The following XPNPEP1 variants were observed in gnomAD, a reference collection of about 807,000 sequenced individuals.
The protein encoded by XPNPEP1 is xaa-Pro aminopeptidase 1.
Under a neutral mutation model 92.4 loss-of-function variants are expected in XPNPEP1, and 39 were observed. The observed-to-expected ratio is 0.42, with a 90% CI of 0.33 to 0.55. The LOEUF (loss-of-function observed/expected upper bound fraction) is 0.55. Ranked by LOEUF, XPNPEP1 falls within the 20% of genes least tolerant of loss-of-function variation. XPNPEP1 has a pLI of 0.08. For synonymous variants in XPNPEP1, 307 were observed against 299.4 expected (o/e 1.03, Z -0.26); for missense variants, 654 against 856.1 (o/e 0.76, Z 2.95).
rs1005724829 is a variant in XPNPEP1, at chr10:109,865,401, T to A, written c.1873-89A>T. 6 of 1,550,246 alleles carry A rather than the reference T, an allele frequency of 3.9e-6. No individual in the cohort carries two copies. The Admixed American group carries it at 6.8e-5, about 18-fold the overall frequency. ...GTCAACAGCAAAGGCCCCCATGTGCTAAGATCACAAGCTGAGAGAAAAGGT... is the reference window on the plus strand; with the variant it reads ...GTCAACAGCAAAGGCCCCCATGTGCAAAGATCACAAGCTGAGAGAAAAGGT... On this transcript the variant is annotated intron_variant, in intron 20 of 20. Coordinates refer to ENST00000502935, the MANE Select transcript of XPNPEP1 (RefSeq NM_020383.4).
At chr10:109,910,645 G>A (rs982538919) in intron 2 of XPNPEP1, among the ~76,000 whole-genome samples, 1 of 151,976 alleles carries the variant, frequency 6.6e-6, no homozygotes, top group Non-Finnish European at 1.5e-5. Context: ...CCATTGTCTG[G>A]ATGTACCACC....
In XPNPEP1 at chr10:109,868,717, G is replaced by T; in HGVS notation, c.1774-5C>A. 6.2e-7 allele frequency: 1 copy of T among 1,612,112 alleles called. No individual in the cohort carries two copies. The highest frequency in any genetic ancestry group is 2.2e-5 in the East Asian group (1 of 44,870). On this transcript the variant is annotated splice_polypyrimidine_tract_variant and splice_region_variant and intron_variant, in intron 19 of 20. Coordinates refer to ENST00000502935, the MANE Select transcript of XPNPEP1 (RefSeq NM_020383.4). ...TCCCCGGTTATTAAAATTATACTGCGGGAGAAAGAAGAAAACAGATGCTTT... is the reference window on the plus strand; with the variant it reads ...TCCCCGGTTATTAAAATTATACTGCTGGAGAAAGAAGAAAACAGATGCTTT...
chr10:109,880,707 C>G (rs1848044344), intron 11 of XPNPEP1, 135 bp downstream of exon 11: 1 of 729,856 alleles, frequency 1.4e-6, no homozygotes, highest in Non-Finnish European at 2.2e-6. Flanking sequence ...CTCAATAACT[C>G]CTCCTGGAAG....
chr10:109,882,621 G>A lies in XPNPEP1; in HGVS notation c.852C>T (p.Arg284=), dbSNP rs2133402951. 1.2e-6 allele frequency: 2 copies of A among 1,614,194 alleles called. No homozygotes were observed. The highest frequency in any genetic ancestry group is 4.5e-5 in the East Asian group (2 of 44,890). The change falls in exon 10 of 21, where the codon CGC becomes CGT. Residue 284 remains arginine (R), a synonymous_variant. Transcript: ENST00000502935. Reference sequence around the variant, plus strand: ...GCTCCTTCACACTGGGGGCGTCTATGCGGTCACCATCAATGAAGAGCCTGC... The same window carrying A: ...GCTCCTTCACACTGGGGGCGTCTATACGGTCACCATCAATGAAGAGCCTGC... The part of the protein sequence containing the change: ...ETIMLFIDGD[R]IDAPSVKEHL...
At chr10:109,888,339 C>A in intron 6 of XPNPEP1, 147 bp from the exon 7 acceptor site, 1 of 1,297,970 alleles carries the variant, frequency 7.7e-7, no homozygotes. Context: ...TGTAAAAGCA[C>A]ATCTTCACCA....
intron 1 of XPNPEP1, among the ~76,000 whole-genome samples, chr10:109,916,431 G>A (rs769729486): frequency 2.6e-5 from 4 of 152,212 alleles, no homozygotes; most frequent in Non-Finnish European, 5.9e-5. Context: ...GGGGCCTACT[G>A]TGGGGCCATA....
intron 5 of XPNPEP1, among the ~76,000 whole-genome samples, chr10:109,890,585 TGTGTGTGTGAGAGA>T (rs1279869735): frequency 6.5e-5 from 6 of 91,992 alleles, no homozygotes; most frequent in South Asian, 6.1e-4. Flanking sequence ...TGTGTGTGTG[TGTGTGTGTGAGAGA>T]GAGAGAGAGA....
chr10:109,883,598 T>G (rs1480267656), intron 9 of XPNPEP1, among the ~76,000 whole-genome samples: 1 of 152,168 alleles, frequency 6.6e-6, no homozygotes, highest in Admixed American at 6.5e-5. Context: ...AATAAATGTG[T>G]TGTCTTAATG....
At chr10:109,915,133 T>G (rs1850115265) in intron 1 of XPNPEP1, 34 bp from the exon 2 acceptor site, 1 of 1,395,178 alleles carries the variant, frequency 7.2e-7, no homozygotes, top group Non-Finnish European at 9.6e-7. Context: ...GTTGCAGACT[T>G]TGACCACAAT....
At chr10:109,919,049 C>T (rs1242090216) in intron 1 of XPNPEP1, among the ~76,000 whole-genome samples, 3 of 152,276 alleles carry the variant, frequency 2.0e-5, no homozygotes, top group East Asian at 1.9e-4. Flanking sequence ...ACTCTTATAG[C>T]GCAACCATAA....
chr10:109,882,448 C>T lies in XPNPEP1; in HGVS notation c.1025G>A (p.Ser342Asn). ...GTCACCAACCTTGGGGATGGTCTCG[C>T]TCACAGCATAGCTGGCCTTGTCACT... The part of the protein sequence containing the change: ...WVSDKASYAV[S>N]ETIPKDHRCC... Residue 342 changes from serine to asparagine, a missense_variant, in exon 10 of 21, where the codon AGC (serine) becomes AAC (asparagine). Coordinates refer to ENST00000502935, the MANE Select transcript of XPNPEP1 (RefSeq NM_020383.4). 2 of 1,613,532 alleles carry T rather than the reference C, an allele frequency of 1.2e-6. No homozygotes were observed. Among genetic ancestry groups the T allele is most frequent in the Non-Finnish European group, 8.5e-7 (1 of 1,179,476 alleles).
intron 2 of XPNPEP1, among the ~76,000 whole-genome samples, chr10:109,909,140 G>A (rs1031287355): frequency 9.2e-5 from 14 of 151,956 alleles, no homozygotes; most frequent in South Asian, 2.1e-4. Flanking sequence ...GCGTGGTGGC[G>A]GGTGCCTGTA....
intron 1 of XPNPEP1, among the ~76,000 whole-genome samples, chr10:109,918,879 G>A (rs576267790): frequency 2.0e-5 from 2 of 97,780 alleles, no homozygotes; most frequent in Admixed American, 1.5e-4. Context: ...AAGGAAGGAA[G>A]GAAGGAAGGA....
At chr10:109,868,809 G>C in intron 19 of XPNPEP1, 97 bp from the exon 20 acceptor site, 1 of 1,154,702 alleles carries the variant, frequency 8.7e-7, no homozygotes, top group South Asian at 1.3e-5. Flanking sequence ...TCAGAGCCAG[G>C]GGTAACTGGG....
rs1848494750 is a variant in XPNPEP1 at position 109,888,065 on chromosome 10, C to T, written c.636G>A (p.Leu212=). 6.2e-7 allele frequency: 1 copy of T among 1,614,066 alleles called. No homozygotes were observed. Among genetic ancestry groups the T allele is most frequent in the Non-Finnish European group, 8.5e-7 (1 of 1,180,008 alleles). Residue 212 remains leucine, a synonymous_variant, in exon 7 of 21, where the codon CTG becomes CTA. Coordinates refer to ENST00000502935, the MANE Select transcript of XPNPEP1 (RefSeq NM_020383.4). ...GATTCTGACCTGTGTAATCCAGGCC[C>T]AGTGTGAGGAGAGGCTTGCAAGGGC... ...PERPCKPLLT[L]GLDYTGISWK... is the part of the protein sequence containing the mutation.
At chr10:109,891,592 C>A in intron 5 of XPNPEP1, 130 bp downstream of exon 5, 3 of 695,754 alleles carry the variant, frequency 4.3e-6, no homozygotes, top group East Asian at 3.1e-5. Context: ...TTTTTTTTCT[C>A]AGTTTTCCTT....
rs771309120 is a variant in XPNPEP1 at position 109,888,090 on chromosome 10, C to T, written c.611G>A (p.Arg204His). The change falls in exon 7 of 21, where the codon CGC (arginine) becomes CAC (histidine). Residue 204 changes from arginine (R) to histidine (H), a missense_variant. By Grantham distance (29) the Arg-to-His change is conservative (BLOSUM62 0). Coordinates refer to ENST00000502935, the MANE Select transcript of XPNPEP1 (RefSeq NM_020383.4). ...VDKIWTDRPE[R>H]PCKPLLTLGL... ...CAGTGTGAGGAGAGGCTTGCAAGGGCGCTCAGGACGGTCTGTCCAGATTTT... is the reference window on the plus strand; with the variant it reads ...CAGTGTGAGGAGAGGCTTGCAAGGGTGCTCAGGACGGTCTGTCCAGATTTT... The T allele has an allele frequency of 1.9e-6, 3 of 1,614,072 alleles. No homozygotes were observed. Among genetic ancestry groups the T allele is most frequent in the African/African-American group, 1.3e-5 (1 of 75,044 alleles).
At chr10:109,870,537 T>C (rs1433237803) in intron 18 of XPNPEP1, among the ~76,000 whole-genome samples, 194 bp downstream of exon 18, 1 of 152,214 alleles carries the variant, frequency 6.6e-6, no homozygotes, top group African/African-American at 2.4e-5. Context: ...GCAAATGATT[T>C]TCATTTTCTT....
intron 8 of XPNPEP1, 124 bp from the exon 9 acceptor site, chr10:109,884,272 C>A: frequency 1.1e-6 from 1 of 914,776 alleles, no homozygotes; most frequent in Non-Finnish European, 1.7e-6. Flanking sequence ...TGGAATCGCA[C>A]AGAAAGGCTG....
Sources: allele counts gnomAD v4.1 joint callset (sites outside exome capture counted in the v4.1 genomes callset), GRCh38; gene constraint gnomAD v4.1.1; transcripts MANE v1.5; gene names NCBI Gene and HGNC (gene_info 2026-07-23, HGNC 2026-07-21).